Variants in GRID1 observed in about 807,000 individuals in gnomAD.
GRID1 encodes glutamate receptor ionotropic, delta-1.
Under a neutral mutation model 98.0 loss-of-function variants are expected in GRID1, and 28 were observed. The ratio of observed to expected loss-of-function variants is 0.29; its 90% CI spans 0.21 to 0.39. The LOEUF (loss-of-function observed/expected upper bound fraction) is 0.39. Ranked by LOEUF, GRID1 falls within the 10% of genes least tolerant of loss-of-function variation. The probability of loss-of-function intolerance (pLI) is 1.00; values close to 1 mark genes in which losing one functional copy is unlikely to be tolerated. For missense variants in GRID1, 1,111 were observed against 1,340.5 expected, an observed-to-expected ratio of 0.83 and a Z score of 2.67; for synonymous variants, 553 against 538.5, an observed-to-expected ratio of 1.03 and a Z score of -0.37.
chr10:85,765,948 C>A (rs981688333), intron 8 of GRID1, among the ~76,000 whole-genome samples: 1 of 152,176 alleles, frequency 6.6e-6, no homozygotes, highest in Non-Finnish European at 1.5e-5. Flanking sequence ...GCATAGAAAA[C>A]ATATTGCTGG....
At position 85,606,179 on chromosome 10, in the gene GRID1, C is replaced by G. The variant is rs2280013; in HGVS notation, c.2602-3478G>C. ...ACATTTTTTTTTGCTTGTCTCAAAT[C>G]AAGTATGGATGAAGCAGTTCTAAGG... On this transcript the variant is annotated intron_variant, in intron 15 of 15. Coordinates refer to ENST00000327946, the MANE Select transcript of GRID1 (RefSeq NM_017551.3). 13 of 152,068 alleles carry G rather than the reference C, an allele frequency of 8.5e-5. 1 individual carries two copies. The highest frequency in any genetic ancestry group is 3.9e-4 in the Admixed American group (6 of 15,294). The allele number at this position is 152,068 out of a possible 1,614,324, so 9.4% of individuals were successfully genotyped here.
At chr10:85,654,411 C>A (rs1206714836) in intron 12 of GRID1, among the ~76,000 whole-genome samples, 2 of 152,192 alleles carry the variant, frequency 1.3e-5, no homozygotes, top group Non-Finnish European at 2.9e-5. Flanking sequence ...CCACTTCTTA[C>A]AAACACATTT....
chr10:85,675,392 G>A (rs1244291252), intron 12 of GRID1, among the ~76,000 whole-genome samples: 2 of 152,112 alleles, frequency 1.3e-5, no homozygotes, highest in Non-Finnish European at 2.9e-5. Context: ...CTCAGCCTGG[G>A]GCAAAATAAT....
At chr10:85,978,746 G>A (rs1243537380) in intron 4 of GRID1, among the ~76,000 whole-genome samples, 1 of 152,184 alleles carries the variant, frequency 6.6e-6, no homozygotes, top group African/African-American at 2.4e-5. Flanking sequence ...AGTGAGGAAG[G>A]CCTGCTGAGC....
At chr10:86,101,895 A>G (rs900654422) in intron 4 of GRID1, among the ~76,000 whole-genome samples, 2 of 152,116 alleles carry the variant, frequency 1.3e-5, no homozygotes, top group African/African-American at 4.8e-5. Flanking sequence ...TTAATGCTGA[A>G]TAATATTCCA....
chr10:85,610,785 A>G (rs907448602), intron 15 of GRID1, among the ~76,000 whole-genome samples: 4 of 152,180 alleles, frequency 2.6e-5, no homozygotes, highest in African/African-American at 9.7e-5. Flanking sequence ...GGAGAGAGGG[A>G]AGAAGGAAGG....
At chr10:85,785,510 A>G (rs1251483599) in intron 8 of GRID1, among the ~76,000 whole-genome samples, 4 of 152,216 alleles carry the variant, frequency 2.6e-5, no homozygotes, top group Admixed American at 2.0e-4. Context: ...GTTCCCCTCC[A>G]TAAGCTGGAT....
At chr10:85,747,036 A>G (rs1380669306) in intron 8 of GRID1, among the ~76,000 whole-genome samples, 4 of 152,172 alleles carry the variant, frequency 2.6e-5, no homozygotes, top group African/African-American at 9.7e-5. Context: ...GTATTGTCAC[A>G]CATAATATCT....
chr10:85,762,540 C>A (rs1016351672), intron 8 of GRID1, among the ~76,000 whole-genome samples: 1 of 152,172 alleles, frequency 6.6e-6, no homozygotes, highest in Non-Finnish European at 1.5e-5. Flanking sequence ...AGTTGCTCCC[C>A]AGTCTGCCCC....
chr10:86,006,892 G>C (rs1429144199), intron 4 of GRID1, among the ~76,000 whole-genome samples: 1 of 152,078 alleles, frequency 6.6e-6, no homozygotes, highest in Admixed American at 6.5e-5. Context: ...GGAGGCAGGG[G>C]AAGCTGGCGG....
At chr10:86,072,866 A>T (rs1843823988) in intron 4 of GRID1, among the ~76,000 whole-genome samples, 1 of 152,262 alleles carries the variant, frequency 6.6e-6, no homozygotes, top group African/African-American at 2.4e-5. Context: ...TGTATAGCAC[A>T]CGCTAGTGCC....
intron 3 of GRID1, among the ~76,000 whole-genome samples, chr10:86,180,550 C>A (rs1250728748): frequency 6.6e-6 from 1 of 152,066 alleles, no homozygotes; most frequent in Non-Finnish European, 1.5e-5. Flanking sequence ...TCCATGTGCT[C>A]CCTGTCCCAA....
chr10:86,279,147 G>A (rs1381640349), intron 2 of GRID1, among the ~76,000 whole-genome samples: 3 of 152,122 alleles, frequency 2.0e-5, no homozygotes, highest in African/African-American at 7.2e-5. Context: ...ACCCTAGAGA[G>A]CTCTCTTGCC....
intron 4 of GRID1, among the ~76,000 whole-genome samples, chr10:86,062,230 C>T (rs1037231699): frequency 2.0e-5 from 3 of 152,146 alleles, no homozygotes; most frequent in Admixed American, 2.0e-4. Context: ...CCATGTTGCC[C>T]GCAGGCAGAG....
At chr10:85,883,940 A>C (rs1332600989) in intron 5 of GRID1, among the ~76,000 whole-genome samples, 1 of 152,168 alleles carries the variant, frequency 6.6e-6, no homozygotes, top group African/African-American at 2.4e-5. Context: ...AGAAGTTTCC[A>C]GCTTTATGTA....
chr10:86,050,170 C>T (rs1022902493), intron 4 of GRID1, among the ~76,000 whole-genome samples: 1 of 152,108 alleles, frequency 6.6e-6, no homozygotes, highest in Non-Finnish European at 1.5e-5. Flanking sequence ...GGAGACAGGG[C>T]GTCAGTAACA....
intron 8 of GRID1, among the ~76,000 whole-genome samples, chr10:85,754,137 C>T (rs1189252486): frequency 1.3e-5 from 2 of 152,188 alleles, no homozygotes; most frequent in Admixed American, 6.5e-5. Flanking sequence ...AGCCAGAAAT[C>T]ACATGCCACC....
intron 4 of GRID1, among the ~76,000 whole-genome samples, chr10:86,027,330 T>G (rs1385477402): frequency 6.6e-6 from 1 of 152,238 alleles, no homozygotes; most frequent in Non-Finnish European, 1.5e-5. Flanking sequence ...ACATTTCATA[T>G]TAATGCAGTC....
chr10:86,017,755 T>C (rs1842998182), intron 4 of GRID1, among the ~76,000 whole-genome samples: 1 of 152,196 alleles, frequency 6.6e-6, no homozygotes, highest in Non-Finnish European at 1.5e-5. Context: ...TGTGAATGAT[T>C]AGTAGTTCTG....
Sources: gnomAD v4.1 joint callset for allele counts (sites outside exome capture counted in the v4.1 genomes callset) on GRCh38, gnomAD v4.1.1 for gene constraint, MANE v1.5 for transcripts, NCBI Gene and HGNC (gene_info 2026-07-23, HGNC 2026-07-21) for gene names.